DPP10: variants seen among roughly 807,000 people sequenced by gnomAD.
The protein encoded by DPP10 is dipeptidyl peptidase like 10.
A neutral mutation model predicts 120.9 loss-of-function variants in DPP10; 33 were observed. The ratio of observed to expected loss-of-function variants is 0.27; its 90% CI spans 0.21 to 0.37. The LOEUF (loss-of-function observed/expected upper bound fraction) is 0.37. Among genes scored for constraint, DPP10 ranks in the 10% least tolerant of loss-of-function variants. The pLI, the probability that DPP10 is intolerant of heterozygous loss-of-function variation, is 1.00. For synonymous variants in DPP10, 337 were observed against 326.1 expected (o/e 1.03, Z -0.36); for missense variants, 816 against 942.8 (o/e 0.87, Z 1.76).
At chr2:115,435,046 GCA>G (rs200504425) in intron 3 of DPP10, among the ~76,000 whole-genome samples, 1 of 59,810 alleles carries the variant, frequency 1.7e-5, no homozygotes, top group African/African-American at 5.6e-5. Flanking sequence ...CTATACACAT[GCA>G]CACATATATA....
intron 7 of DPP10, among the ~76,000 whole-genome samples, chr2:115,699,127 A>G (rs1575555265): frequency 6.6e-6 from 1 of 152,044 alleles, no homozygotes; most frequent in East Asian, 1.9e-4. Flanking sequence ...AAAAAGGATT[A>G]TAATAGTACT....
chr2:115,192,971 C>CA (rs202239196), intron 1 of DPP10, among the ~76,000 whole-genome samples: 93 of 149,466 alleles, frequency 6.2e-4, no homozygotes, highest in Non-Finnish European at 1.1e-3. Flanking sequence ...AACTTTAAAA[C>CA]AAAAAAAAAA....
intron 5 of DPP10, among the ~76,000 whole-genome samples, chr2:115,630,251 A>G (rs2085734083): frequency 6.6e-6 from 1 of 151,952 alleles, no homozygotes; most frequent in South Asian, 2.1e-4. Flanking sequence ...TTGCTCATTG[A>G]TTTTGTATCC....
rs1558981058 is a variant in DPP10, at chr2:114,663,670, G to GAGAGAGAGAGAGAGAGAGAA, written c.60+220851_60+220852insAAGAGAGAGAGAGAGAGAGA. Among the ~76,000 whole-genome samples, 13 of 109,478 alleles carry GAGAGAGAGAGAGAGAGAGAA rather than the reference G, an allele frequency of 1.2e-4. 1 individual carries two copies. The highest frequency in any genetic ancestry group is 6.3e-4 in the African/African-American group (13 of 20,508). The allele number at this position is 109,478 out of a possible 152,430, so 71.8% of individuals were successfully genotyped here. A position where few individuals can be genotyped will look rare whatever the true frequency, so the allele number is the denominator to read the frequency against. On this transcript the variant is annotated intron_variant, in intron 1 of 25. Transcript: ENST00000410059. ...ATATATATATATATATATATATATA[G>GAGAGAGAGAGAGAGAGAGAA]AGAGAGAGAGAGAGAGAGAGAGAGA...
intron 1 of DPP10, among the ~76,000 whole-genome samples, chr2:114,746,985 GATATATAC>G (rs762415467): frequency 6.6e-6 from 1 of 152,110 alleles, no homozygotes; most frequent in Non-Finnish European, 1.5e-5. Context: ...TATATACACT[GATATATAC>G]ATATATGTGT....
rs4849347 is a variant in DPP10 at position 114,663,271 on chromosome 2, T to C, written c.60+220433T>C. 9.8e-4 allele frequency among the ~76,000 whole-genome samples: 144 copies of C among 147,184 alleles called. 1 individual carries two copies. The highest frequency in any genetic ancestry group is 2.9e-3 in the East Asian group (14 of 4,882). On this transcript the variant is annotated intron_variant, in intron 1 of 25. Transcript: ENST00000410059. Reference sequence around the variant, plus strand: ...ATATATATATATATCTATATATATATACACACACATATATGTATACATATA... The same window carrying C: ...ATATATATATATATCTATATATATACACACACACATATATGTATACATATA...
intron 3 of DPP10, among the ~76,000 whole-genome samples, chr2:115,438,695 T>C (rs1558660024): frequency 1.3e-5 from 2 of 151,836 alleles, no homozygotes; most frequent in South Asian, 2.1e-4. Context: ...ACACAGTCAA[T>C]TCATGGAAGC....
At chr2:115,342,019 A>G (rs1485820175) in intron 2 of DPP10, 1 of 371,274 alleles carries the variant, frequency 2.7e-6, no homozygotes, top group African/African-American at 2.2e-5. Context: ...AGAAAATGCC[A>G]GATTATTTTC....
At chr2:115,212,092 T>G (rs1264311800) in intron 1 of DPP10, among the ~76,000 whole-genome samples, 1 of 152,176 alleles carries the variant, frequency 6.6e-6, no homozygotes, top group Non-Finnish European at 1.5e-5. Flanking sequence ...CAAGTACTTG[T>G]ACTTTATCCA....
chr2:114,612,310 G>A (rs1055551700), intron 1 of DPP10, among the ~76,000 whole-genome samples: 1 of 152,100 alleles, frequency 6.6e-6, no homozygotes, highest in Non-Finnish European at 1.5e-5. Flanking sequence ...TCATGACTGA[G>A]AAATCATCTC....
chr2:115,283,530 G>T (rs996753171), intron 1 of DPP10, among the ~76,000 whole-genome samples: 4 of 152,068 alleles, frequency 2.6e-5, no homozygotes, highest in Non-Finnish European at 5.9e-5. Context: ...TATCTCAGAT[G>T]TGAAGTATAT....
intron 1 of DPP10, among the ~76,000 whole-genome samples, chr2:114,521,804 GTT>G (rs758908081): frequency 1.2e-4 from 14 of 112,732 alleles, no homozygotes; most frequent in Admixed American, 5.9e-4. Context: ...ATTATCCAAG[GTT>G]TTTTTTTTTT....
At chr2:115,311,693 A>C (rs568778096) in intron 2 of DPP10, among the ~76,000 whole-genome samples, 78 of 152,290 alleles carry the variant, frequency 5.1e-4, no homozygotes, top group African/African-American at 1.8e-3. Context: ...CATATTTAGA[A>C]CACCACAGCC....
At chr2:115,476,921 C>T (rs1307785775) in intron 3 of DPP10, among the ~76,000 whole-genome samples, 3 of 137,506 alleles carry the variant, frequency 2.2e-5, no homozygotes, top group Non-Finnish European at 4.8e-5. Flanking sequence ...ATTACATGAT[C>T]ATCACAATTG....
At chr2:115,711,038 T>C (rs2092297402) in intron 7 of DPP10, among the ~76,000 whole-genome samples, 1 of 152,160 alleles carries the variant, frequency 6.6e-6, no homozygotes, top group African/African-American at 2.4e-5. Flanking sequence ...ACTGCTGAGA[T>C]ATTTAAAATC....
At chr2:114,512,188 T>C (rs919752422) in intron 1 of DPP10, among the ~76,000 whole-genome samples, 3 of 152,154 alleles carry the variant, frequency 2.0e-5, no homozygotes, top group African/African-American at 7.2e-5. Flanking sequence ...ACTCAGATGA[T>C]CTTCTTCTGA....
chr2:114,634,640 T>C (rs898050033), intron 1 of DPP10, among the ~76,000 whole-genome samples: 1 of 151,950 alleles, frequency 6.6e-6, no homozygotes, highest in Admixed American at 6.5e-5. Context: ...CTGAGGTTTA[T>C]TTTACCCACT....
chr2:114,812,230 A>C (rs1192225553), intron 1 of DPP10, among the ~76,000 whole-genome samples: 1 of 152,184 alleles, frequency 6.6e-6, no homozygotes, highest in Non-Finnish European at 1.5e-5. Context: ...TAGAAGTTAG[A>C]AAGTCTTAAG....
At chr2:115,573,997 T>C (rs2081506483) in intron 5 of DPP10, among the ~76,000 whole-genome samples, 1 of 152,168 alleles carries the variant, frequency 6.6e-6, no homozygotes, top group Non-Finnish European at 1.5e-5. Flanking sequence ...AACCATGCCC[T>C]TTCTAACCAC....
Sources: allele counts gnomAD v4.1 joint callset (sites outside exome capture counted in the v4.1 genomes callset), GRCh38; gene constraint gnomAD v4.1.1; transcripts MANE v1.5; gene names NCBI Gene and HGNC (gene_info 2026-07-23, HGNC 2026-07-21).